C6orf132: variants seen among roughly 807,000 people sequenced by gnomAD.
C6orf132 encodes uncharacterized protein C6orf132.
A neutral mutation model predicts 65.3 loss-of-function variants in C6orf132; 43 were observed. That is an observed-to-expected ratio of 0.66 (90% CI 0.52 to 0.85). C6orf132 has a LOEUF of 0.85. Among genes scored for constraint, C6orf132 ranks in the 40% least tolerant of loss-of-function variants. The probability of loss-of-function intolerance (pLI) is 0.00; values close to 1 mark genes in which losing one functional copy is unlikely to be tolerated. For synonymous variants in C6orf132, 631 were observed against 654.1 expected (o/e 0.96, Z 0.54); for missense variants, 1,488 against 1,548.8 (o/e 0.96, Z 0.66).
At chr6:42,110,161 C>T (rs1766472394) in intron 3 of C6orf132, 55 bp downstream of exon 3, 9 of 1,424,226 alleles carry the variant, frequency 6.3e-6, no homozygotes, top group Middle Eastern at 1.9e-4. Context: ...CTTTTGAACT[C>T]AGGGCCCTAG....
intron 1 of C6orf132, among the ~76,000 whole-genome samples, chr6:42,132,005 T>C (rs1394943605): frequency 1.3e-5 from 2 of 151,926 alleles, no homozygotes; most frequent in African/African-American, 4.8e-5. Flanking sequence ...GGTGATGCGC[T>C]GTGAGAGGCG....
intron 1 of C6orf132, among the ~76,000 whole-genome samples, chr6:42,131,151 G>C (rs1238004321): frequency 6.6e-6 from 1 of 152,206 alleles, no homozygotes; most frequent in Non-Finnish European, 1.5e-5. Flanking sequence ...CTCCCAAAGT[G>C]CTGGGATTAC....
chr6:42,106,116 C>A lies in C6orf132; in HGVS notation c.1796G>T (p.Arg599Ile), dbSNP rs147101517. Reference protein sequence around the residue: ...LPPKPRLEGGRICENGADDDK... With the variant: ...LPPKPRLEGGIICENGADDDK... The stretch of plus-strand genomic sequence containing the variant: ...ATCATCAGCCCCGTTTTCACAAATT[C>A]TTCCCCCTTCTAGCCGAGGCTTAGG... The change falls in exon 4 of 5, where the codon AGA becomes ATA. Residue 599 changes from arginine (R) to isoleucine (I), a missense_variant. Arg to Ile is a moderately conservative substitution (Grantham distance 97). Coordinates refer to ENST00000341865, the MANE Select transcript of C6orf132 (RefSeq NM_001164446.3). 34 of 1,537,274 alleles carry A rather than the reference C, an allele frequency of 2.2e-5. No individual in the cohort carries two copies. The African/African-American group carries it at 3.6e-4, about 16-fold the overall frequency.
chr6:42,137,627 T>C (rs1438108192), intron 1 of C6orf132, among the ~76,000 whole-genome samples: 2 of 152,070 alleles, frequency 1.3e-5, no homozygotes, highest in Non-Finnish European at 2.9e-5. Flanking sequence ...GAACCTACCA[T>C]GTGCCCTGCA....
chr6:42,126,259 T>G (rs1478385946), intron 2 of C6orf132: 1 of 151,900 alleles, frequency 6.6e-6, no homozygotes, highest in African/African-American at 2.4e-5. Context: ...TTTTGTATTT[T>G]TAGTAGAGAC....
At chr6:42,132,290 C>T (rs530575273) in intron 1 of C6orf132, among the ~76,000 whole-genome samples, 1,599 of 144,694 alleles carry the variant, frequency 0.011, 25 homozygotes, top group African/African-American at 0.039. Context: ...CCGAGGCGGG[C>T]GGATCACAAG....
At chr6:42,108,121 C>G (rs771054844) in intron 3 of C6orf132, among the ~76,000 whole-genome samples, 3 of 152,212 alleles carry the variant, frequency 2.0e-5, no homozygotes, top group Non-Finnish European at 4.4e-5. Flanking sequence ...CTTCAGTTAT[C>G]CCCTTTGAGT....
At chr6:42,137,096 T>C (rs1328284871) in intron 1 of C6orf132, among the ~76,000 whole-genome samples, 1 of 152,230 alleles carries the variant, frequency 6.6e-6, no homozygotes, top group African/African-American at 2.4e-5. Context: ...TACCCCGGAC[T>C]GGAATGGCTG....
At chr6:42,119,822 G>T (rs1766650278) in intron 2 of C6orf132, among the ~76,000 whole-genome samples, 1 of 151,796 alleles carries the variant, frequency 6.6e-6, no homozygotes, top group East Asian at 2.0e-4. Flanking sequence ...GTGGCCAGGG[G>T]CGGGTGCTCA....
chr6:42,115,396 C>T (rs988213271), intron 2 of C6orf132, among the ~76,000 whole-genome samples: 3 of 152,050 alleles, frequency 2.0e-5, no homozygotes, highest in African/African-American at 7.2e-5. Context: ...CCTGTAATCC[C>T]AGCACTTTGG....
At chr6:42,110,985 GACAAA>G (rs1766485600) in intron 2 of C6orf132, among the ~76,000 whole-genome samples, 1 of 152,158 alleles carries the variant, frequency 6.6e-6, no homozygotes. Flanking sequence ...CGATGAAAAA[GACAAA>G]ACAAACAAAT....
chr6:42,120,846 C>T (rs917151815), intron 2 of C6orf132, among the ~76,000 whole-genome samples: 1 of 152,068 alleles, frequency 6.6e-6, no homozygotes, highest in Admixed American at 6.6e-5. Context: ...TGATCTCAAA[C>T]TCCTGACCTT....
chr6:42,104,447 C>T lies in C6orf132; in HGVS notation c.3449+16G>A, dbSNP rs1010716999. 2 of 1,230,368 alleles carry T rather than the reference C, an allele frequency of 1.6e-6. No homozygotes were observed. Among genetic ancestry groups the T allele is most frequent in the African/African-American group, 3.1e-5 (2 of 64,312 alleles). The allele number at this position is 1,230,368 out of a possible 1,614,324, so 76.2% of individuals were successfully genotyped here. A position where few individuals can be genotyped will look rare whatever the true frequency, so the allele number is the denominator to read the frequency against. On this transcript the variant is annotated intron_variant, in intron 4 of 4. Transcript: ENST00000341865. This position sits in a 1 kb window ranked among gnomAD's most constrained non-coding sequence, Gnocchi z 4.1. ...ACCCCTCCTGGCTTCCCGCACCAGC[C>T]GGGCCCGCAGCTCACCTGCCGGCAG...
intron 3 of C6orf132, among the ~76,000 whole-genome samples, chr6:42,109,180 A>T (rs1326956516): frequency 6.6e-6 from 1 of 152,180 alleles, no homozygotes; most frequent in Non-Finnish European, 1.5e-5. Context: ...CACACCTGTA[A>T]TCCGAGCACT....
Position 42,104,864 on chromosome 6 carries a change from G to GT in C6orf132, c.3047dup (p.Asn1016LysfsTer180). The GT allele has an allele frequency of 6.9e-7, 1 of 1,451,162 alleles. No homozygotes were observed. Among genetic ancestry groups the GT allele is most frequent in the East Asian group, 2.5e-5 (1 of 40,062 alleles). 89.9% of individuals were successfully genotyped at this position (1,451,162 alleles called of 1,614,324 possible). ...TCGGGAGCTGCCTCAAGTCTGAGTA[G>GT]TTGTTCCGGGGAGGGGAGCTCTGGC... On this transcript the variant is annotated frameshift_variant, in exon 4 of 5. Transcript: ENST00000341865. LOFTEE classifies it high-confidence loss of function. This position sits in a 1 kb window ranked among gnomAD's most constrained non-coding sequence, Gnocchi z 4.1.
chr6:42,119,068 A>C (rs1766634698), intron 2 of C6orf132, among the ~76,000 whole-genome samples: 1 of 51,686 alleles, frequency 1.9e-5, no homozygotes, highest in South Asian at 5.4e-4. Flanking sequence ...TGTCTCTACA[A>C]AAAAAAAAAA....
chr6:42,123,416 AAAG>A (rs1162985127), intron 2 of C6orf132, among the ~76,000 whole-genome samples: 1 of 150,302 alleles, frequency 6.7e-6, no homozygotes, highest in East Asian at 1.9e-4. Flanking sequence ...GAAGAAGAAG[AAAG>A]AAGAAAGGAG....
rs576820850 is a variant in C6orf132 at position 42,122,027 on chromosome 6, G to A, written c.252+6645C>T. Among the ~76,000 whole-genome samples the A allele has an allele frequency of 2.0e-5, 3 of 152,316 alleles. No homozygotes were observed. The East Asian group carries it at 5.8e-4, about 29-fold the overall frequency. On this transcript the variant is annotated intron_variant, in intron 2 of 4. Coordinates refer to ENST00000341865, the MANE Select transcript of C6orf132 (RefSeq NM_001164446.3). Reference sequence around the variant, plus strand: ...GATGGAGAAAGGCTGTGTGTATCCTGCAGAGCAGCTATGAAGTTGGGAGCC... The same window carrying A: ...GATGGAGAAAGGCTGTGTGTATCCTACAGAGCAGCTATGAAGTTGGGAGCC...
intron 2 of C6orf132, among the ~76,000 whole-genome samples, chr6:42,119,743 C>T (rs967438814): frequency 1.3e-5 from 2 of 151,938 alleles, no homozygotes; most frequent in African/African-American, 2.4e-5. Context: ...TCCTCTGCTT[C>T]CCAAAGTGCT....
Sources: gnomAD v4.1 joint callset for allele counts (sites outside exome capture counted in the v4.1 genomes callset) on GRCh38, gnomAD v4.1.1 for gene constraint, Gnocchi (gnomAD v3.1) non-coding constraint, MANE v1.5 for transcripts, NCBI Gene and HGNC (gene_info 2026-07-23, HGNC 2026-07-21) for gene names.